The following UBAC2 variants were observed in gnomAD, a reference collection of about 807,000 sequenced individuals.
The protein encoded by UBAC2 is ubiquitin-associated domain-containing protein 2.
UBAC2 carries 26 observed loss-of-function variants against 44.0 expected under a neutral mutation model. The ratio of observed to expected loss-of-function variants is 0.59; its 90% CI spans 0.43 to 0.82. The LOEUF is 0.82. Ranked by LOEUF, UBAC2 falls within the 40% of genes least tolerant of loss-of-function variation. The pLI is 0.00. For missense variants in UBAC2, 329 were observed against 419.4 expected, an observed-to-expected ratio of 0.78 and a Z score of 1.88; for synonymous variants, 155 against 154.3, an observed-to-expected ratio of 1.00 and a Z score of -0.04.
At chr13:99,255,907 CTG>C (rs2043546572) in intron 4 of UBAC2, 2 of 1,491,532 alleles carry the variant, frequency 1.3e-6, no homozygotes, top group Middle Eastern at 1.8e-4. Flanking sequence ...TACTTAGAAA[CTG>C]TAAAAATAGT....
intron 1 of UBAC2, chr13:99,201,578 G>C (rs1434649089): frequency 1.2e-6 from 2 of 1,613,412 alleles, no homozygotes; most frequent in African/African-American, 2.7e-5. Context: ...GTAGGGGGCG[G>C]AGTATTTTTA....
chr13:99,285,093 A>G (rs2044001113), intron 4 of UBAC2, among the ~76,000 whole-genome samples: 2 of 152,100 alleles, frequency 1.3e-5, no homozygotes, highest in African/African-American at 2.4e-5. Context: ...CTAAAATGGC[A>G]TTTCTTATAT....
At chr13:99,301,612 A>G (rs979668800) in intron 4 of UBAC2, among the ~76,000 whole-genome samples, 2 of 152,164 alleles carry the variant, frequency 1.3e-5, no homozygotes, top group Non-Finnish European at 2.9e-5. Flanking sequence ...ACATGTTGAC[A>G]TGAACTGACA....
chr13:99,213,518 G>A lies in UBAC2; in HGVS notation c.31+12579G>A, dbSNP rs144130595. 7.4e-3 allele frequency among the ~76,000 whole-genome samples: 1,120 copies of A among 151,360 alleles called. 10 individuals are homozygous for A. The highest frequency in any genetic ancestry group is 0.056 in the South Asian group (267 of 4,782). ...TGGGATTACAGGCACCTGCCATCAT[G>A]CCCAGCTAATTTTTGTATTTTTGTA... On this transcript the variant is annotated intron_variant, in intron 1 of 8. Coordinates refer to ENST00000403766, the MANE Select transcript of UBAC2 (RefSeq NM_001144072.2).
At chr13:99,242,706 G>A (rs1258432054) in intron 2 of UBAC2, among the ~76,000 whole-genome samples, 13 of 146,650 alleles carry the variant, frequency 8.9e-5, no homozygotes, top group Non-Finnish European at 1.7e-4. Flanking sequence ...CTCCCTCCCC[G>A]ACGGGGCGGC....
intron 1 of UBAC2, among the ~76,000 whole-genome samples, chr13:99,212,448 C>G (rs2042946177): frequency 1.3e-5 from 2 of 152,170 alleles, no homozygotes; most frequent in African/African-American, 2.4e-5. Context: ...AGAATTTAGT[C>G]CCTTCAGTGG....
intron 4 of UBAC2, among the ~76,000 whole-genome samples, chr13:99,304,748 A>C (rs2044307164): frequency 6.6e-6 from 1 of 152,226 alleles, no homozygotes; most frequent in South Asian, 2.1e-4. Context: ...GCACCAGGGC[A>C]CTTAAGTGAC....
At chr13:99,208,668 G>T (rs780802441) in intron 1 of UBAC2, among the ~76,000 whole-genome samples, 1 of 152,160 alleles carries the variant, frequency 6.6e-6, no homozygotes, top group Admixed American at 6.5e-5. Flanking sequence ...CTTCTGGTGC[G>T]TTCGGCTCCT....
intron 1 of UBAC2, among the ~76,000 whole-genome samples, chr13:99,227,198 C>CA (rs561593304): frequency 0.011 from 1,450 of 131,348 alleles, 19 homozygotes; most frequent in African/African-American, 0.035. Context: ...AACTCCATCT[C>CA]AAAAAAAAAA....
chr13:99,209,564 C>T (rs902280666), intron 1 of UBAC2, among the ~76,000 whole-genome samples: 1 of 152,188 alleles, frequency 6.6e-6, no homozygotes, highest in Non-Finnish European at 1.5e-5. Flanking sequence ...CTGCTGTAAC[C>T]AGGCCTGGGT....
intron 8 of UBAC2, among the ~76,000 whole-genome samples, chr13:99,378,827 C>T (rs1029473328): frequency 3.3e-5 from 5 of 152,204 alleles, no homozygotes; most frequent in African/African-American, 9.6e-5. Flanking sequence ...TCATTTGTTG[C>T]TAGCATGTTG....
At position 99,357,340 on chromosome 13, in the gene UBAC2, A is replaced by G. The variant is rs142451597; in HGVS notation, c.808-10447A>G. Reference sequence around the variant, plus strand: ...AAGCCCTGTTGTTAAGCGACACGTGACTACAGTTTTAAGTCTAACAAGATG... The same window carrying G: ...AAGCCCTGTTGTTAAGCGACACGTGGCTACAGTTTTAAGTCTAACAAGATG... On this transcript the variant is annotated intron_variant, in intron 7 of 8. Coordinates refer to ENST00000403766, the MANE Select transcript of UBAC2 (RefSeq NM_001144072.2). Among the ~76,000 whole-genome samples the G allele has an allele frequency of 1.2e-4, 19 of 152,318 alleles. No homozygotes were observed. In the East Asian group the frequency reaches 3.7e-3, roughly 29 times the overall value.
At position 99,327,836 on chromosome 13, in the gene UBAC2, T is replaced by C. The variant is rs1339702430; in HGVS notation, c.561+9767T>C. Among the ~76,000 whole-genome samples the C allele has an allele frequency of 3.9e-5, 6 of 152,316 alleles. No homozygotes were observed. In the East Asian group the frequency reaches 1.2e-3, roughly 29 times the overall value. ...TTCTTTTTTATTAAAAGATTCTTTT[T>C]CCCTTTTTTTGTTTATTAAGATGTT... On this transcript the variant is annotated intron_variant, in intron 6 of 8. Transcript: ENST00000403766.
chr13:99,371,949 T>C (rs1030108041), intron 8 of UBAC2, among the ~76,000 whole-genome samples: 2 of 152,268 alleles, frequency 1.3e-5, no homozygotes, highest in Admixed American at 1.3e-4. Flanking sequence ...TTTGCTGTTA[T>C]TAAGATTCAA....
Position 99,295,333 on chromosome 13 carries a change from C to T in UBAC2, c.390-18764C>T. 1 of 1,614,066 alleles carries T rather than the reference C, an allele frequency of 6.2e-7. No homozygotes were observed. Among genetic ancestry groups the T allele is most frequent in the East Asian group, 2.2e-5 (1 of 44,874 alleles). ...ATTCCAGGAAATTAGAGAAACGAAG[C>T]TTCTTAATCATATGTTGAATAATTG... On this transcript the variant is annotated intron_variant, in intron 4 of 8. Coordinates refer to ENST00000403766, the MANE Select transcript of UBAC2 (RefSeq NM_001144072.2). The surrounding 1 kb of genome is among the most constrained non-coding windows in gnomAD (Gnocchi z 4.1).
chr13:99,342,285 C>T (rs1018069645), intron 7 of UBAC2, among the ~76,000 whole-genome samples: 4 of 152,184 alleles, frequency 2.6e-5, no homozygotes, highest in South Asian at 2.1e-4. Context: ...CCCATGCGTA[C>T]GACCTCTTTG....
At chr13:99,274,013 A>G (rs1165599014) in intron 4 of UBAC2, among the ~76,000 whole-genome samples, 2 of 152,150 alleles carry the variant, frequency 1.3e-5, no homozygotes, top group African/African-American at 4.8e-5. Flanking sequence ...TCCAGAGCTC[A>G]CAGACTTTTT....
intron 4 of UBAC2, among the ~76,000 whole-genome samples, chr13:99,292,076 A>T (rs1387678361): frequency 2.0e-5 from 3 of 151,846 alleles, no homozygotes; most frequent in African/African-American, 7.3e-5. Flanking sequence ...CAGGGGCCAC[A>T]TGATTGAGTT....
At chr13:99,360,105 C>T (rs2045245030) in intron 7 of UBAC2, among the ~76,000 whole-genome samples, 2 of 146,150 alleles carry the variant, frequency 1.4e-5, no homozygotes. Context: ...CTCCATTTTA[C>T]TCTTTTATGG....
Sources: gnomAD v4.1 joint callset for allele counts (sites outside exome capture counted in the v4.1 genomes callset) on GRCh38, gnomAD v4.1.1 for gene constraint, Gnocchi (gnomAD v3.1) non-coding constraint, MANE v1.5 for transcripts, NCBI Gene and HGNC (gene_info 2026-07-23, HGNC 2026-07-21) for gene names.